Variants in NRXN3 observed in about 807,000 individuals in gnomAD.
The protein encoded by NRXN3 is neurexin III.
A neutral mutation model predicts 137.6 loss-of-function variants in NRXN3; 32 were observed. The ratio of observed to expected loss-of-function variants is 0.23; its 90% CI spans 0.18 to 0.31. The LOEUF (loss-of-function observed/expected upper bound fraction) is 0.31. Ranked by LOEUF, NRXN3 falls within the 10% of genes least tolerant of loss-of-function variation. The pLI is 1.00. For missense variants in NRXN3, 1,574 were observed against 2,062.5 expected (o/e 0.76, Z 4.59); for synonymous variants, 798 against 784.5 (o/e 1.02, Z -0.29).
At chr14:79,328,026 C>A (rs1251022505) in intron 15 of NRXN3, among the ~76,000 whole-genome samples, 2 of 152,148 alleles carry the variant, frequency 1.3e-5, no homozygotes, top group Non-Finnish European at 2.9e-5. Context: ...TTGATAGGTG[C>A]AGCAAACCAG....
At chr14:78,990,656 C>T (rs951988321) in intron 15 of NRXN3, among the ~76,000 whole-genome samples, 4 of 152,144 alleles carry the variant, frequency 2.6e-5, no homozygotes, top group African/African-American at 4.8e-5. Flanking sequence ...CAGGGAAGTA[C>T]ACATCTTAGT....
At chr14:78,926,844 TAATA>T (rs1376756209) in intron 10 of NRXN3, among the ~76,000 whole-genome samples, 255 of 22,764 alleles carry the variant, frequency 0.011, 11 homozygotes, top group Middle Eastern at 0.045. Flanking sequence ...TATAAATATA[TAATA>T]TATTATATAT....
intron 12 of NRXN3, 60 bp from the exon 13 acceptor site, chr14:78,967,148 T>C (rs1017855669): frequency 4.1e-6 from 6 of 1,453,292 alleles, no homozygotes; most frequent in South Asian, 2.6e-5. Context: ...TACACACATA[T>C]AGCCATTAAA....
chr14:78,888,848 T>TACACACACACACACACAC (rs59053009), intron 10 of NRXN3, among the ~76,000 whole-genome samples: 1,745 of 146,376 alleles, frequency 0.012, 27 homozygotes, highest in African/African-American at 0.041. Flanking sequence ...ATCACACACA[T>TACACACACACACACACAC]ACACACACAC....
chr14:78,848,207 C>A (rs1252240492), intron 10 of NRXN3, among the ~76,000 whole-genome samples: 1 of 152,100 alleles, frequency 6.6e-6, no homozygotes, highest in Non-Finnish European at 1.5e-5. Flanking sequence ...TTTCTTCTTT[C>A]CCCTGGAATT....
rs1281498444 is a variant in NRXN3 at position 79,457,118 on chromosome 14, T to G, written c.3263-10103T>G. ...GGTTAATTGATTACACCTTAGTCCA[T>G]CTGCTGTATATAAGAGCAGAATCTT... On this transcript the variant is annotated intron_variant, in intron 15 of 20. Coordinates refer to ENST00000335750, the MANE Select transcript of NRXN3 (RefSeq NM_001330195.2). Among the ~76,000 whole-genome samples, 10 of 152,020 alleles carry G rather than the reference T, an allele frequency of 6.6e-5. No homozygotes were observed. In the East Asian group the frequency reaches 1.9e-3, roughly 30 times the overall value.
intron 15 of NRXN3, among the ~76,000 whole-genome samples, chr14:79,225,174 A>G (rs1439077108): frequency 6.6e-6 from 1 of 152,174 alleles, no homozygotes; most frequent in African/African-American, 2.4e-5. Flanking sequence ...CGCCTGTTCC[A>G]GATGTTGGTG....
chr14:79,338,302 A>G (rs2092402648), intron 15 of NRXN3, among the ~76,000 whole-genome samples: 1 of 151,704 alleles, frequency 6.6e-6, no homozygotes, highest in Non-Finnish European at 1.5e-5. Flanking sequence ...GGAAAGGGAA[A>G]TCCTAGTTCC....
At chr14:78,372,175 ATTT>A (rs59367109) in intron 4 of NRXN3, among the ~76,000 whole-genome samples, 2 of 144,130 alleles carry the variant, frequency 1.4e-5, no homozygotes, top group South Asian at 2.2e-4. Context: ...TGAAAAAAAA[ATTT>A]TTACCAGAAC....
chr14:79,560,913 G>T (rs917019686), intron 16 of NRXN3, among the ~76,000 whole-genome samples: 4 of 152,112 alleles, frequency 2.6e-5, no homozygotes, highest in Non-Finnish European at 2.9e-5. Flanking sequence ...GCCCTGTGTT[G>T]TCAAGCTGCT....
intron 16 of NRXN3, among the ~76,000 whole-genome samples, chr14:79,561,141 A>G (rs1371639044): frequency 6.6e-6 from 1 of 152,162 alleles, no homozygotes; most frequent in Non-Finnish European, 1.5e-5. Context: ...TTGGGGAGAG[A>G]AGAGAGAAAG....
chr14:78,512,733 G>A (rs925520285), intron 4 of NRXN3, among the ~76,000 whole-genome samples: 31 of 152,248 alleles, frequency 2.0e-4, no homozygotes, highest in African/African-American at 6.7e-4. Context: ...AGGCTGTCTG[G>A]TAAATCAATT....
chr14:78,891,425 G>A (rs1383539593), intron 10 of NRXN3, among the ~76,000 whole-genome samples: 1 of 151,878 alleles, frequency 6.6e-6, no homozygotes, highest in African/African-American at 2.4e-5. Flanking sequence ...AGGTATGGGT[G>A]GTATACTGGA....
intron 4 of NRXN3, among the ~76,000 whole-genome samples, chr14:78,644,387 C>G (rs2097666356): frequency 6.6e-6 from 1 of 152,128 alleles, no homozygotes; most frequent in Admixed American, 6.6e-5. Flanking sequence ...CGTCCTGGCC[C>G]TGTGGAACTC....
intron 10 of NRXN3, among the ~76,000 whole-genome samples, chr14:78,884,697 C>T (rs1031647311): frequency 4.6e-5 from 7 of 152,126 alleles, no homozygotes; most frequent in Non-Finnish European, 8.8e-5. Flanking sequence ...AATACATTCT[C>T]TTTAATCAAG....
intron 15 of NRXN3, among the ~76,000 whole-genome samples, chr14:79,333,694 T>G (rs944844305): frequency 6.6e-6 from 1 of 152,184 alleles, no homozygotes; most frequent in Non-Finnish European, 1.5e-5. Flanking sequence ...AACTTTTGCT[T>G]CTCCTTTGTC....
intron 15 of NRXN3, among the ~76,000 whole-genome samples, chr14:78,996,399 T>C (rs1277611819): frequency 6.6e-6 from 1 of 152,190 alleles, no homozygotes; most frequent in Non-Finnish European, 1.5e-5. Context: ...TTAGTCTGAC[T>C]GCAAAGTCTG....
At chr14:79,407,788 G>A (rs1599837187) in intron 15 of NRXN3, among the ~76,000 whole-genome samples, 1 of 152,096 alleles carries the variant, frequency 6.6e-6, no homozygotes, top group Non-Finnish European at 1.5e-5. Context: ...TAACTGCTTC[G>A]TGCCCCAGAG....
At chr14:78,380,984 C>T (rs2088980003) in intron 4 of NRXN3, among the ~76,000 whole-genome samples, 1 of 152,004 alleles carries the variant, frequency 6.6e-6, no homozygotes, top group Non-Finnish European at 1.5e-5. Flanking sequence ...AACAGAAGAT[C>T]CAGATATGGC....
Sources: allele counts gnomAD v4.1 joint callset (sites outside exome capture counted in the v4.1 genomes callset), GRCh38; gene constraint gnomAD v4.1.1; transcripts MANE v1.5; gene names NCBI Gene and HGNC (gene_info 2026-07-23, HGNC 2026-07-21).